The following A4GALT variants were observed in gnomAD, a reference collection of about 807,000 sequenced individuals.
A4GALT encodes the protein lactosylceramide 4-alpha-galactosyltransferase.
For synonymous variants in A4GALT, 257 were observed against 220.7 expected (o/e 1.16, Z -1.46); for missense variants, 512 against 486.0 (o/e 1.05, Z -0.50).
At chr22:42,711,439 G>A (rs913303544) in intron 1 of A4GALT, among the ~76,000 whole-genome samples, 1 of 152,136 alleles carries the variant, frequency 6.6e-6, no homozygotes, top group Admixed American at 6.6e-5. Flanking sequence ...ATTTGCACAA[G>A]GTCACAGGTT....
intron 1 of A4GALT, among the ~76,000 whole-genome samples, chr22:42,705,374 G>A (rs1331144265): frequency 6.6e-6 from 1 of 152,136 alleles, no homozygotes; most frequent in African/African-American, 2.4e-5. Flanking sequence ...CCCGAGGTGG[G>A]TGGATCACTT....
intron 1 of A4GALT, among the ~76,000 whole-genome samples, chr22:42,698,162 C>T (rs1344486242): frequency 6.6e-6 from 1 of 151,214 alleles, no homozygotes; most frequent in African/African-American, 2.4e-5. Context: ...GCAGAAGAAT[C>T]GCTTGAACTC....
chr22:42,699,091 CCTT>C (rs1212751611), intron 1 of A4GALT, among the ~76,000 whole-genome samples: 1 of 139,174 alleles, frequency 7.2e-6, no homozygotes, highest in Admixed American at 7.3e-5. Flanking sequence ...TATTCCTTTA[CCTT>C]CTTTTTTTTT....
chr22:42,703,888 G>A (rs1426083236), intron 1 of A4GALT, among the ~76,000 whole-genome samples: 2 of 152,130 alleles, frequency 1.3e-5, no homozygotes, highest in Non-Finnish European at 2.9e-5. Flanking sequence ...TCAAATCCAG[G>A]CCCTGCCTGA....
rs141234083 is a variant in A4GALT, at chr22:42,693,277, G to A, written c.675C>T (p.Arg225=). The A allele has an allele frequency of 1.2e-4, 189 of 1,612,832 alleles. No individual in the cohort carries two copies. The highest frequency in any genetic ancestry group is 1.6e-4 in the Non-Finnish European group (185 of 1,179,958). Residue 225 remains arginine (R), a synonymous_variant, in exon 3 of 3, where the codon CGC becomes CGT. Transcript: ENST00000642412. ...TGCACAGCGCCATGAACTCGTGCCG[G>A]CGCTCGAAGGCCAGGAACGCGCCGT... ...VLNGAFLAFE[R]RHEFMALCMR... is the part of the protein sequence containing the mutation.
At chr22:42,717,569 G>A (rs763327766) in intron 1 of A4GALT, among the ~76,000 whole-genome samples, 1 of 152,104 alleles carries the variant, frequency 6.6e-6, no homozygotes, top group Non-Finnish European at 1.5e-5. Flanking sequence ...CTCAGTCCTC[G>A]GAGACCTCAG....
At chr22:42,721,052 C>T (rs1025891898), upstream of A4GALT, 1 of 152,118 alleles carries the variant, frequency 6.6e-6, no homozygotes, top group Non-Finnish European at 1.5e-5. Context: ...CCCCAGTCCG[C>T]CGGCCAACAG....
Position 42,693,460 on chromosome 22 carries a change from C to A in A4GALT, c.492G>T (p.Gly164=), listed in dbSNP as rs1930642750. 1 of 1,613,190 alleles carries A rather than the reference C, an allele frequency of 6.2e-7. No homozygotes were observed. Among genetic ancestry groups the A allele is most frequent in the Non-Finnish European group, 8.5e-7 (1 of 1,179,982 alleles). ...CGGGCAGCAGGTAGGGCTCCCAGCG[C>A]CCCTGCACGGCCGCGTACCAGTCGG... ...PLADWYAAVQ[G]RWEPYLLPVL... The change falls in exon 3 of 3, where the codon GGG becomes GGT. Residue 164 remains glycine (G), a synonymous_variant. Transcript: ENST00000642412.
At chr22:42,711,842 C>G (rs1283259150) in intron 1 of A4GALT, among the ~76,000 whole-genome samples, 1 of 152,044 alleles carries the variant, frequency 6.6e-6, no homozygotes, top group Non-Finnish European at 1.5e-5. Flanking sequence ...GGGCTGGTCT[C>G]GAACTCCTGA....
intron 1 of A4GALT, among the ~76,000 whole-genome samples, chr22:42,702,356 T>TTTTTTTTTTTTTTTTTTTTTTTCTC (rs1555886908): frequency 6.8e-6 from 1 of 146,782 alleles, no homozygotes; most frequent in African/African-American, 2.5e-5. Flanking sequence ...TTTTTTTTTT[T>TTTTTTTTTTTTTTTTTTTTTTTCTC]CACAGATGGA....
At chr22:42,715,224 T>C (rs936758667) in intron 1 of A4GALT, among the ~76,000 whole-genome samples, 2 of 152,062 alleles carry the variant, frequency 1.3e-5, no homozygotes. Flanking sequence ...CAAGGCAACA[T>C]TGTCTCCCAC....
At chr22:42,710,259 G>C (rs1921560490) in intron 1 of A4GALT, among the ~76,000 whole-genome samples, 1 of 152,018 alleles carries the variant, frequency 6.6e-6, no homozygotes, top group African/African-American at 2.4e-5. Context: ...ATAAATAATT[G>C]AAAAAGTAAA....
intron 1 of A4GALT, among the ~76,000 whole-genome samples, chr22:42,710,254 T>C (rs1921559901): frequency 6.6e-6 from 1 of 152,034 alleles, no homozygotes. Context: ...TCAAGATAAA[T>C]AATTGAAAAA....
chr22:42,705,030 G>C (rs28992186), intron 1 of A4GALT, among the ~76,000 whole-genome samples: 2 of 152,140 alleles, frequency 1.3e-5, no homozygotes, highest in East Asian at 1.9e-4. Context: ...AGACAGGTTA[G>C]GTTCTGGAGG....
intron 1 of A4GALT, among the ~76,000 whole-genome samples, chr22:42,703,253 G>A (rs1229004409): frequency 9.1e-6 from 1 of 110,286 alleles, no homozygotes. Context: ...TTGTTTGTTT[G>A]TTTTTGTTTT....
At chr22:42,698,885 T>G (rs1050075139) in intron 1 of A4GALT, among the ~76,000 whole-genome samples, 1 of 152,142 alleles carries the variant, frequency 6.6e-6, no homozygotes, top group Non-Finnish European at 1.5e-5. Flanking sequence ...GAGTGACCTC[T>G]GGTCGTCCTC....
At chr22:42,707,954 A>AT (rs1921297078) in intron 1 of A4GALT, among the ~76,000 whole-genome samples, 6 of 107,708 alleles carry the variant, frequency 5.6e-5, no homozygotes, top group Non-Finnish European at 1.3e-4. Flanking sequence ...GACTGTCACT[A>AT]CAAAAAAAAA....
At chr22:42,714,101 G>A (rs1387741262) in intron 1 of A4GALT, among the ~76,000 whole-genome samples, 3 of 151,756 alleles carry the variant, frequency 2.0e-5, no homozygotes, top group Admixed American at 2.0e-4. Flanking sequence ...GGGAAACATA[G>A]GGAGACCACA....
At chr22:42,703,280 G>C (rs1195110534) in intron 1 of A4GALT, among the ~76,000 whole-genome samples, 4 of 134,080 alleles carry the variant, frequency 3.0e-5, no homozygotes, top group Non-Finnish European at 6.2e-5. Context: ...TTTTGAGACA[G>C]AGTCTCACTC....
Sources: allele counts gnomAD v4.1 joint callset (sites outside exome capture counted in the v4.1 genomes callset), GRCh38; gene constraint gnomAD v4.1.1; transcripts MANE v1.5; gene names NCBI Gene and HGNC (gene_info 2026-07-23, HGNC 2026-07-21).